Variants in MUC5AC observed in about 807,000 individuals in gnomAD.
MUC5AC encodes the protein mucin 5AC, oligomeric mucus/gel-forming, also known as mucin-5AC.
MUC5AC carries 158 observed loss-of-function variants against 169.7 expected under a neutral mutation model. The observed-to-expected ratio is 0.93, with a 90% CI of 0.82 to 1.06. MUC5AC has a LOEUF of 1.06. Among genes scored for constraint, MUC5AC ranks in the 50% least tolerant of loss-of-function variants. MUC5AC has a pLI of 0.00. For missense variants in MUC5AC, 4,359 were observed against 3,089.9 expected, an observed-to-expected ratio of 1.41 and a Z score of -9.74; for synonymous variants, 1,975 against 1,237.0, an observed-to-expected ratio of 1.60 and a Z score of -12.52.
rs1860873153 is a variant in MUC5AC at position 1,184,076 on chromosome 11, A to G, written c.5931A>G (p.Thr1977=). The stretch of plus-strand genomic sequence containing the variant: ...GAATAAATGGTGGAGATTTTGACAC[A>G]TTTCAAAATTTGAGAGACGAAGGAT... ...APGINGGDFD[T]FQNLRDEGYT... is the part of the protein sequence containing the mutation. Residue 1977 remains threonine (T), a synonymous_variant, in exon 31 of 49, where the codon ACA becomes ACG. Coordinates refer to ENST00000621226, the MANE Select transcript of MUC5AC (RefSeq NM_001304359.2). 1 of 396,062 alleles carries G rather than the reference A, an allele frequency of 2.5e-6. No homozygotes were observed. Among genetic ancestry groups the G allele is most frequent in the Non-Finnish European group, 4.4e-6 (1 of 226,960 alleles). 24.5% of individuals were successfully genotyped at this position (396,062 alleles called of 1,614,324 possible). A position where few individuals can be genotyped will look rare whatever the true frequency, so the allele number is the denominator to read the frequency against.
intron 12 of MUC5AC, 115 bp downstream of exon 12, chr11:1,168,102 C>T: frequency 1.1e-6 from 1 of 876,900 alleles, no homozygotes; most frequent in Non-Finnish European, 1.8e-6. Flanking sequence ...GGCGGGGACC[C>T]TCTGGCAACA....
chr11:1,188,877 A>C lies in MUC5AC; in HGVS notation c.10732A>C (p.Ser3578Arg). 1 of 763,644 alleles carries C rather than the reference A, an allele frequency of 1.3e-6. No individual in the cohort carries two copies. The highest frequency in any genetic ancestry group is 2.4e-6 in the Non-Finnish European group (1 of 417,166). The allele number at this position is 763,644 out of a possible 1,614,324, so 47.3% of individuals were successfully genotyped here. The part of the protein sequence containing the change: ...QCRAKSHPEV[S>R]IEHLGQVVQC... ...CCGAGCCAAGAGCCACCCGGAGGTG[A>C]GCATCGAACACCTGGGCCAGGTGGT... The change falls in exon 31 of 49, where the codon AGC (serine) becomes CGC (arginine). Residue 3578 changes from serine (S) to arginine (R), a missense_variant. By Grantham distance (110) the Ser-to-Arg change is moderately radical (BLOSUM62 -1). Transcript: ENST00000621226.
Position 1,189,750 on chromosome 11 carries a change from G to GCCAGCACAATCTCTGCCCCTACAA in MUC5AC, c.11615_11638dup (p.Ile3872_Thr3879dup), listed in dbSNP as rs1861043669. On this transcript the variant is annotated inframe_insertion, in exon 31 of 49. Transcript: ENST00000621226. Reference sequence around the variant, plus strand: ...AAGCAGCACAACCTCTGCTCCTACAGCCAGCACAATCTCTGCCCCTACAAC... The same window carrying GCCAGCACAATCTCTGCCCCTACAA: ...AAGCAGCACAACCTCTGCTCCTACAGCCAGCACAATCTCTGCCCCTACAACCAGCACAATCTCTGCCCCTACAAC... 1 of 510,178 alleles carries GCCAGCACAATCTCTGCCCCTACAA rather than the reference G, an allele frequency of 2.0e-6. No individual in the cohort carries two copies. The highest frequency in any genetic ancestry group is 3.6e-6 in the Non-Finnish European group (1 of 275,896). 31.6% of individuals were successfully genotyped at this position (510,178 alleles called of 1,614,324 possible).
At chr11:1,198,166 A>AC in intron 42 of MUC5AC, 102 bp from the exon 43 acceptor site, 1 of 699,808 alleles carries the variant, frequency 1.4e-6, no homozygotes. Flanking sequence ...CCCAGTGGCG[A>AC]GCCCGGGAAT....
Position 1,189,226 on chromosome 11 carries a change from C to A in MUC5AC, c.11081C>A (p.Thr3694Asn), listed in dbSNP as rs1861023220. The A allele has an allele frequency of 3.3e-6, 2 of 597,428 alleles. No individual in the cohort carries two copies. Among genetic ancestry groups the A allele is most frequent in the Non-Finnish European group, 6.0e-6 (2 of 336,022 alleles). The allele number at this position is 597,428 out of a possible 1,614,324, so 37.0% of individuals were successfully genotyped here. The change falls in exon 31 of 49, where the codon ACC becomes AAC. Residue 3694 changes from threonine (T) to asparagine (N), a missense_variant. Thr to Asn is a moderately conservative substitution (Grantham distance 65). Transcript: ENST00000621226. ...CCCAGCACAACCTCTGCCCCAACAACCAGCACAACCTCTGCTCCCACAACG... is the reference window on the plus strand; with the variant it reads ...CCCAGCACAACCTCTGCCCCAACAAACAGCACAACCTCTGCTCCCACAACG... The part of the protein sequence containing the change: ...SIPSTTSAPT[T>N]STTSAPTTST...
In MUC5AC at chr11:1,185,616, ACTC is replaced by A; in HGVS notation, c.7474_7476del (p.Pro2492del). ...CAGCACAACCTCTGGTCCTGAAACT[ACTC>A]CTAGACCTGTTCCTACCACCAGCAC... On this transcript the variant is annotated inframe_deletion, in exon 31 of 49. Coordinates refer to ENST00000621226, the MANE Select transcript of MUC5AC (RefSeq NM_001304359.2). The A allele has an allele frequency of 1.4e-6, 1 of 731,730 alleles. No homozygotes were observed. The highest frequency in any genetic ancestry group is 1.7e-5 in the African/African-American group (1 of 57,968). The allele number at this position is 731,730 out of a possible 1,614,324, so 45.3% of individuals were successfully genotyped here. A position where few individuals can be genotyped will look rare whatever the true frequency, so the allele number is the denominator to read the frequency against.
Position 1,199,777 on chromosome 11 carries a change from C to G in MUC5AC, c.16585+13C>G, listed in dbSNP as rs1861377167. 1 of 718,510 alleles carries G rather than the reference C, an allele frequency of 1.4e-6. No homozygotes were observed. The highest frequency in any genetic ancestry group is 2.5e-6 in the Non-Finnish European group (1 of 394,172). The allele number at this position is 718,510 out of a possible 1,614,324, so 44.5% of individuals were successfully genotyped here. A position where few individuals can be genotyped will look rare whatever the true frequency, so the allele number is the denominator to read the frequency against. On this transcript the variant is annotated intron_variant, in intron 47 of 48. Coordinates refer to ENST00000621226, the MANE Select transcript of MUC5AC (RefSeq NM_001304359.2). ...CCGTACCAGAACCGTGAGTACCCAG[C>G]CTGCTGGGCGGGGCGGGCTCCACCC... is the stretch of plus-strand genomic sequence containing the variant.
intron 15 of MUC5AC, among the ~76,000 whole-genome samples, chr11:1,171,923 T>C (rs1441587056): frequency 6.7e-6 from 1 of 150,146 alleles, no homozygotes; most frequent in Non-Finnish European, 1.5e-5. Flanking sequence ...ACCTACTCAC[T>C]CACTCACTCA....
Position 1,195,235 on chromosome 11 carries a change from T to C in MUC5AC, c.15414T>C (p.Pro5138=), listed in dbSNP as rs754639298. The change falls in exon 36 of 49, where the codon CCT becomes CCC. Residue 5138 remains proline (P), a synonymous_variant. Coordinates refer to ENST00000621226, the MANE Select transcript of MUC5AC (RefSeq NM_001304359.2). The part of the protein sequence containing the change: ...GSTTVGPTTP[P]APCLPSPICQ... Reference sequence around the variant, plus strand: ...CCACGGTCGGGCCCACCACACCGCCTGCTCCGTGCCTGCCATCACCCATCT... The same window carrying C: ...CCACGGTCGGGCCCACCACACCGCCCGCTCCGTGCCTGCCATCACCCATCT... The C allele has an allele frequency of 5.3e-6, 4 of 760,536 alleles. No individual in the cohort carries two copies. The South Asian group carries it at 5.4e-5, about 10-fold the overall frequency. 47.1% of individuals were successfully genotyped at this position (760,536 alleles called of 1,614,324 possible).
Position 1,199,966 on chromosome 11 carries a change from C to A in MUC5AC, c.16697C>A (p.Ser5566Tyr). 1 of 761,274 alleles carries A rather than the reference C, an allele frequency of 1.3e-6. No individual in the cohort carries two copies. 47.2% of individuals were successfully genotyped at this position (761,274 alleles called of 1,614,324 possible). A position where few individuals can be genotyped will look rare whatever the true frequency, so the allele number is the denominator to read the frequency against. The change falls in exon 48 of 49, where the codon TCC becomes TAC. Residue 5566 changes from serine (S) to tyrosine (Y), a missense_variant. Physicochemically the swap from Ser to Tyr is moderately radical, Grantham distance 144. Transcript: ENST00000621226. ...CGGGGGAACTGTGGGGACAGCTCTT[C>A]CATGTACGTGCCTGGGCAGCAGGCA... ...YCRGNCGDSS[S>Y]MYSLEGNTVE...
rs1861009101 is a variant in MUC5AC at position 1,188,497 on chromosome 11, C to T, written c.10352C>T (p.Thr3451Ile). 1.4e-6 allele frequency: 1 copy of T among 708,636 alleles called. No individual in the cohort carries two copies. Among genetic ancestry groups the T allele is most frequent in the Admixed American group, 2.0e-5 (1 of 51,132 alleles). The allele number at this position is 708,636 out of a possible 1,614,324, so 43.9% of individuals were successfully genotyped here. ...SPTTSTTSATTTSTTSAPTSS... is the reference protein window; with the variant it reads ...SPTTSTTSATITSTTSAPTSS... ...ACAACCAGCACAACCTCTGCTACTA[C>T]AACCAGCACAACCTCTGCCCCTACA... The change falls in exon 31 of 49, where the codon ACA (threonine) becomes ATA (isoleucine). Residue 3451 changes from threonine (T) to isoleucine (I), a missense_variant. Physicochemically the swap from Thr to Ile is moderately conservative, Grantham distance 89. Transcript: ENST00000621226.
chr11:1,200,055 AGG>A, intron 48 of MUC5AC, 86 bp downstream of exon 48: 1 of 643,786 alleles, frequency 1.6e-6, no homozygotes, highest in South Asian at 1.8e-5. Flanking sequence ...CAGATAGACG[AGG>A]GGCAGGACCA....
chr11:1,165,350 A>AGT lies in MUC5AC; in HGVS notation c.1182_1183dup (p.Ala395ValfsTer67). On this transcript the variant is annotated frameshift_variant, in exon 10 of 49. Coordinates refer to ENST00000621226, the MANE Select transcript of MUC5AC (RefSeq NM_001304359.2). LOFTEE classifies it high-confidence loss of function. ...CAGACCGGCTGTGTCCCTGTGTCAAAGTGTGCCTGCGTCTACAACGGGGCT... is the reference window on the plus strand; with the variant it reads ...CAGACCGGCTGTGTCCCTGTGTCAAAGTGTGTGCCTGCGTCTACAACGGGGCT... 1 of 1,612,428 alleles carries AGT rather than the reference A, an allele frequency of 6.2e-7. No individual in the cohort carries two copies. Among genetic ancestry groups the AGT allele is most frequent in the Admixed American group, 1.7e-5 (1 of 60,024 alleles).
chr11:1,190,212 C>T lies in MUC5AC; in HGVS notation c.12067C>T (p.Arg4023Trp), dbSNP rs1320176639. ...EHLGQVVQCS[R>W]EEGLVCRNQD... Reference sequence around the variant, plus strand: ...CCTGGGCCAGGTGGTGCAGTGCAGCCGGGAAGAGGGCCTGGTGTGCCGGAA... The same window carrying T: ...CCTGGGCCAGGTGGTGCAGTGCAGCTGGGAAGAGGGCCTGGTGTGCCGGAA... Residue 4023 changes from arginine (R) to tryptophan (W), a missense_variant, in exon 31 of 49, where the codon CGG becomes TGG. Arg to Trp is a moderately radical substitution (Grantham distance 101). Transcript: ENST00000621226. The T allele has an allele frequency of 2.1e-5, 16 of 758,758 alleles. No homozygotes were observed. The highest frequency in any genetic ancestry group is 2.3e-4 in the Middle Eastern group (1 of 4,398). The allele number at this position is 758,758 out of a possible 1,614,324, so 47.0% of individuals were successfully genotyped here. A position where few individuals can be genotyped will look rare whatever the true frequency, so the allele number is the denominator to read the frequency against.
In MUC5AC at chr11:1,196,895, G is replaced by A. The variant is rs753053022; in HGVS notation, c.15848G>A (p.Gly5283Glu). 3 of 763,538 alleles carry A rather than the reference G, an allele frequency of 3.9e-6. No individual in the cohort carries two copies. The South Asian group carries it at 4.0e-5, about 10-fold the overall frequency. The allele number at this position is 763,538 out of a possible 1,614,324, so 47.3% of individuals were successfully genotyped here. A position where few individuals can be genotyped will look rare whatever the true frequency, so the allele number is the denominator to read the frequency against. The change falls in exon 40 of 49, where the codon GGA (glycine) becomes GAA (glutamate). Residue 5283 changes from glycine (G) to glutamate (E), a missense_variant. Transcript: ENST00000621226. ...TGCPRCLGPH[G>E]EPVKVGHTVG... ...CTTCCAGGGTGTCTGGGGCCCCACG[G>A]AGAGCCGGTGAAGGTGAGTGGAAGG... is the stretch of plus-strand genomic sequence containing the variant.
rs1317554948 is a variant in MUC5AC at position 1,200,838 on chromosome 11, G to T, written c.*136G>T. ...ACACACTGTCCACGCCCGCTTTCTT[G>T]TGGAGGGTGTGGGCTATGGGTCACC... On this transcript the variant is annotated 3_prime_UTR_variant, in exon 49 of 49. Coordinates refer to ENST00000621226, the MANE Select transcript of MUC5AC (RefSeq NM_001304359.2). 1.6e-6 allele frequency: 1 copy of T among 606,756 alleles called. No homozygotes were observed. The highest frequency in any genetic ancestry group is 2.9e-6 in the Non-Finnish European group (1 of 339,028). 37.6% of individuals were successfully genotyped at this position (606,756 alleles called of 1,614,324 possible). A position where few individuals can be genotyped will look rare whatever the true frequency, so the allele number is the denominator to read the frequency against.
At chr11:1,170,970 CCCAT>C (rs1860499426) in intron 15 of MUC5AC, among the ~76,000 whole-genome samples, 1 of 3,344 alleles carries the variant, frequency 3.0e-4, no homozygotes, top group Non-Finnish European at 6.6e-4. Context: ...CACCCACTCA[CCCAT>C]TCACCCCACT....
chr11:1,165,918 C>T (rs996438293), intron 11 of MUC5AC, among the ~76,000 whole-genome samples, 158 bp downstream of exon 11: 4 of 152,126 alleles, frequency 2.6e-5, no homozygotes, highest in Non-Finnish European at 5.9e-5. Context: ...AGCTCCCCAG[C>T]GCTAGTCCTC....
Position 1,184,588 on chromosome 11 carries a change from G to T in MUC5AC, c.6443G>T (p.Arg2148Met). 1 of 623,730 alleles carries T rather than the reference G, an allele frequency of 1.6e-6. No individual in the cohort carries two copies. The highest frequency in any genetic ancestry group is 2.7e-5 in the Admixed American group (1 of 36,920). The allele number at this position is 623,730 out of a possible 1,614,324, so 38.6% of individuals were successfully genotyped here. A position where few individuals can be genotyped will look rare whatever the true frequency, so the allele number is the denominator to read the frequency against. ...AAGGAAACCTACAACAACATCATCA[G>T]GAGTGGGGAAAAAATCTGCCGCCGA... ...GDKETYNNIIRSGEKICRRPE... is the reference protein window; with the variant it reads ...GDKETYNNIIMSGEKICRRPE... The change falls in exon 31 of 49, where the codon AGG becomes ATG. Residue 2148 changes from arginine (R) to methionine (M), a missense_variant. By Grantham distance (91) the Arg-to-Met change is moderately conservative (BLOSUM62 -1). Transcript: ENST00000621226.
Sources: gnomAD v4.1 joint callset for allele counts (sites outside exome capture counted in the v4.1 genomes callset) on GRCh38, gnomAD v4.1.1 for gene constraint, MANE v1.5 for transcripts, NCBI Gene and HGNC (gene_info 2026-07-23, HGNC 2026-07-21) for gene names.